AFG2A: variants seen among roughly 807,000 people sequenced by gnomAD.
The protein encoded by AFG2A is AAA ATPase AFG2A, also known as ATPase family gene 2 protein homolog A.
chr4:123,053,107 C>T, the AFG2A span, among the ~76,000 whole-genome samples: 1 of 152,188 alleles, frequency 6.6e-6, no homozygotes, highest in Non-Finnish European at 1.5e-5. Flanking sequence ...GCTTTGTCGC[C>T]CAGTCCACTG....
chr4:122,981,781 G>T, the AFG2A span, among the ~76,000 whole-genome samples: 1 of 151,708 alleles, frequency 6.6e-6, no homozygotes, highest in Non-Finnish European at 1.5e-5. Context: ...TTGTAAATGG[G>T]ATTTTCTTTT....
chr4:123,300,752 GTTT>G, the AFG2A span, among the ~76,000 whole-genome samples: 97,055 of 146,220 alleles, frequency 0.66, 34,869 homozygotes, highest in Non-Finnish European at 0.81. Flanking sequence ...TGTTTTTTTT[GTTT>G]TTTTTTTTTT....
At chr4:123,097,390 A>G in the AFG2A span, among the ~76,000 whole-genome samples, 1 of 151,026 alleles carries the variant, frequency 6.6e-6, no homozygotes, top group Non-Finnish European at 1.5e-5. Context: ...GGACTAATTG[A>G]CATTAATAGT....
chr4:123,123,942 A>G, the AFG2A span, among the ~76,000 whole-genome samples: 1 of 115,150 alleles, frequency 8.7e-6, no homozygotes, highest in Non-Finnish European at 1.7e-5. Flanking sequence ...ACAGAGTGAA[A>G]CTCCGTCTCA....
At chr4:123,074,946 T>C in the AFG2A span, among the ~76,000 whole-genome samples, 1 of 152,162 alleles carries the variant, frequency 6.6e-6, no homozygotes, top group African/African-American at 2.4e-5. Flanking sequence ...GTTCCATCTC[T>C]TTTTTGGGGG....
chr4:122,972,389 C>T, the AFG2A span, among the ~76,000 whole-genome samples: 3 of 151,948 alleles, frequency 2.0e-5, no homozygotes, highest in African/African-American at 7.2e-5. Flanking sequence ...TGTCTCTTCT[C>T]TCATTTTCAG....
chr4:123,157,283 C>T, the AFG2A span, among the ~76,000 whole-genome samples: 7 of 152,020 alleles, frequency 4.6e-5, no homozygotes, highest in African/African-American at 7.3e-5. Context: ...CTTGGCCTCC[C>T]GAAGTGCTGG....
the AFG2A span, among the ~76,000 whole-genome samples, chr4:122,925,445 C>CTATT: frequency 1.3e-5 from 2 of 152,128 alleles, no homozygotes; most frequent in African/African-American, 4.8e-5. Context: ...TTGATGCAGC[C>CTATT]TATTGCACTA....
chr4:122,934,549 A>G, the AFG2A span: 1 of 1,613,988 alleles, frequency 6.2e-7, no homozygotes, highest in Non-Finnish European at 8.5e-7. Flanking sequence ...AAAGTGCAAT[A>G]CTGATACTTT....
At chr4:122,944,592 T>C in the AFG2A span, among the ~76,000 whole-genome samples, 1 of 152,342 alleles carries the variant, frequency 6.6e-6, no homozygotes, top group Admixed American at 6.5e-5. Context: ...TTTCCTCCCG[T>C]AGCTCGGAGT....
At chr4:123,304,162 C>G in the AFG2A span, among the ~76,000 whole-genome samples, 1 of 152,156 alleles carries the variant, frequency 6.6e-6, no homozygotes, top group Non-Finnish European at 1.5e-5. Flanking sequence ...TGGGGCACCC[C>G]TTGCTGTTTG....
the AFG2A span, among the ~76,000 whole-genome samples, chr4:123,236,171 A>G: frequency 2.6e-5 from 4 of 152,182 alleles, no homozygotes; most frequent in African/African-American, 9.7e-5. Flanking sequence ...AATTTAGCCT[A>G]CAGTTTCAAG....
At chr4:123,129,573 T>C in the AFG2A span, among the ~76,000 whole-genome samples, 1 of 152,240 alleles carries the variant, frequency 6.6e-6, no homozygotes, top group Non-Finnish European at 1.5e-5. Flanking sequence ...TGTCCACTCC[T>C]TCCTCTTTGA....
the AFG2A span, among the ~76,000 whole-genome samples, chr4:123,226,850 T>C: frequency 6.6e-6 from 1 of 152,216 alleles, no homozygotes; most frequent in Non-Finnish European, 1.5e-5. Flanking sequence ...TGGACTTTTT[T>C]TCGTTGGTAA....
At chr4:123,070,274 A>T in the AFG2A span, among the ~76,000 whole-genome samples, 1 of 152,250 alleles carries the variant, frequency 6.6e-6, no homozygotes, top group South Asian at 2.1e-4. Context: ...TAATTTTTAT[A>T]ATTATAATTA....
At chr4:122,998,458 C>A in the AFG2A span, among the ~76,000 whole-genome samples, 1 of 151,612 alleles carries the variant, frequency 6.6e-6, no homozygotes, top group Non-Finnish European at 1.5e-5. Context: ...CTATCCCTCC[C>A]CACTCCCCCC....
the AFG2A span, chr4:123,315,621 A>G: frequency 6.6e-6 from 1 of 152,172 alleles, no homozygotes; most frequent in Admixed American, 6.5e-5. Context: ...GCTTTCAGAA[A>G]GTGATTCTCT....
the AFG2A span, among the ~76,000 whole-genome samples, chr4:123,311,813 T>G: frequency 2.7e-5 from 4 of 150,618 alleles, no homozygotes; most frequent in Non-Finnish European, 5.9e-5. Flanking sequence ...TTAGGCTCCC[T>G]GAGGTTCCAG....
At chr4:123,187,949 G>A in the AFG2A span, among the ~76,000 whole-genome samples, 1 of 150,174 alleles carries the variant, frequency 6.7e-6, no homozygotes, top group Non-Finnish European at 1.5e-5. Context: ...AGTGAGCCAT[G>A]ATCATACCAC....
Sources: allele counts gnomAD v4.1 joint callset (sites outside exome capture counted in the v4.1 genomes callset), GRCh38; gene constraint gnomAD v4.1.1; transcripts MANE v1.5; gene names NCBI Gene and HGNC (gene_info 2026-07-23, HGNC 2026-07-21).